The following SH3PXD2A variants were observed in gnomAD, a reference collection of about 807,000 sequenced individuals.
The protein encoded by SH3PXD2A is SH3 and PX domains 2A.
A neutral mutation model predicts 115.2 loss-of-function variants in SH3PXD2A; 32 were observed. That is an observed-to-expected ratio of 0.28 (90% confidence interval 0.21 to 0.37). The LOEUF (loss-of-function observed/expected upper bound fraction) is 0.37, where lower values mean the gene tolerates loss of function less well. Among genes scored for constraint, SH3PXD2A ranks in the 10% least tolerant of loss-of-function variants. The pLI is 1.00. For missense variants in SH3PXD2A, 1,328 were observed against 1,498.7 expected (o/e 0.89, Z 1.88); for synonymous variants, 610 against 629.1 (o/e 0.97, Z 0.45).
intron 1 of SH3PXD2A, among the ~76,000 whole-genome samples, chr10:103,803,952 G>A (rs1281652790): frequency 6.6e-6 from 1 of 152,158 alleles, no homozygotes; most frequent in Non-Finnish European, 1.5e-5. Context: ...CGGGGACGAG[G>A]GGCTTCCAGG....
Position 103,647,183 on chromosome 10 carries a change from G to A in SH3PXD2A, c.604+13800C>T, listed in dbSNP as rs190792550. Among the ~76,000 whole-genome samples, 169 of 152,256 alleles carry A rather than the reference G, an allele frequency of 1.1e-3. 1 individual carries two copies. Among genetic ancestry groups the A allele is most frequent in the Admixed American group, 2.2e-3 (33 of 15,292 alleles). On this transcript the variant is annotated intron_variant, in intron 8 of 14. Coordinates refer to ENST00000369774, the MANE Select transcript of SH3PXD2A (RefSeq NM_001394015.1). ...GCCACAGCTTCACTCCCCAGGAAGCGGGCAATACTGCAATATCATGGCATC... is the reference window on the plus strand; with the variant it reads ...GCCACAGCTTCACTCCCCAGGAAGCAGGCAATACTGCAATATCATGGCATC...
chr10:103,749,695 A>G (rs892742853), intron 3 of SH3PXD2A: 3 of 152,218 alleles, frequency 2.0e-5, no homozygotes, highest in Non-Finnish European at 4.4e-5. Flanking sequence ...GACCTGTGGA[A>G]GCAATTGGAT....
At chr10:103,702,279 G>A (rs1199296407) in intron 5 of SH3PXD2A, among the ~76,000 whole-genome samples, 2 of 152,246 alleles carry the variant, frequency 1.3e-5, no homozygotes, top group African/African-American at 4.8e-5. Flanking sequence ...ACACTGTCCT[G>A]CCCTCTTTTT....
intron 8 of SH3PXD2A, among the ~76,000 whole-genome samples, chr10:103,635,484 T>G (rs751693259): frequency 1.4e-4 from 21 of 152,104 alleles, no homozygotes; most frequent in Admixed American, 9.2e-4. Flanking sequence ...TTGCCTGGAG[T>G]GCCCTTATGC....
chr10:103,647,077 G>T lies in SH3PXD2A; in HGVS notation c.604+13906C>A, dbSNP rs185922329. 7.3e-3 allele frequency among the ~76,000 whole-genome samples: 1,104 copies of T among 152,172 alleles called. 14 individuals are homozygous for T. The highest frequency in any genetic ancestry group is 8.1e-3 in the Non-Finnish European group (552 of 68,008). ...CAGGGGTGGGGGGATGGAGGTAGGGGATTATTTTGCCCCTTTAAATATACC... is the reference window on the plus strand; with the variant it reads ...CAGGGGTGGGGGGATGGAGGTAGGGTATTATTTTGCCCCTTTAAATATACC... On this transcript the variant is annotated intron_variant, in intron 8 of 14. Coordinates refer to ENST00000369774, the MANE Select transcript of SH3PXD2A (RefSeq NM_001394015.1).
At position 103,602,283 on chromosome 10, in the gene SH3PXD2A, G is replaced by T. The variant is rs756338086; in HGVS notation, c.2935C>A (p.Pro979Thr). The stretch of plus-strand genomic sequence containing the variant: ...GGCGGGGACACAAACACCGACTGGG[G>T]CCTGACCGCCACCTGCCGCACTCCG... ...RNGVRQVAVR[P>T]QSVFVSPPPK... The change falls in exon 15 of 15, where the codon CCC becomes ACC. Residue 979 changes from proline to threonine, a missense_variant. Pro to Thr is a conservative substitution (Grantham distance 38). Transcript: ENST00000369774. 1.9e-6 allele frequency: 3 copies of T among 1,613,396 alleles called. No homozygotes were observed. In the South Asian group the frequency reaches 3.3e-5, roughly 18 times the overall value.
intron 1 of SH3PXD2A, among the ~76,000 whole-genome samples, chr10:103,820,590 C>A (rs2039368791): frequency 6.6e-6 from 1 of 152,124 alleles, no homozygotes; most frequent in Non-Finnish European, 1.5e-5. Context: ...CTGACCTCAG[C>A]CTGTTTTGCT....
intron 7 of SH3PXD2A, chr10:103,661,590 G>A (rs2037304502): frequency 1.1e-6 from 1 of 928,572 alleles, no homozygotes; most frequent in African/African-American, 1.8e-5. Context: ...AGAGGCAAAG[G>A]AAAGGCAAGC....
intron 3 of SH3PXD2A, among the ~76,000 whole-genome samples, chr10:103,763,880 T>C (rs765014674): frequency 2.0e-5 from 3 of 152,210 alleles, no homozygotes; most frequent in Non-Finnish European, 4.4e-5. Context: ...TGTGGTGCCA[T>C]TCACCCTCCA....
At chr10:103,718,887 A>T (rs1222351958) in intron 5 of SH3PXD2A, among the ~76,000 whole-genome samples, 1 of 152,034 alleles carries the variant, frequency 6.6e-6, no homozygotes, top group Non-Finnish European at 1.5e-5. Flanking sequence ...CATATGTTAA[A>T]TCCTAACGCC....
At chr10:103,738,775 C>T (rs2038409290) in intron 3 of SH3PXD2A, among the ~76,000 whole-genome samples, 2 of 152,080 alleles carry the variant, frequency 1.3e-5, no homozygotes, top group South Asian at 4.1e-4. Flanking sequence ...CATTCCTGTC[C>T]TAGTTGCAGA....
chr10:103,732,599 G>A (rs1450450853), intron 4 of SH3PXD2A, among the ~76,000 whole-genome samples: 1 of 152,240 alleles, frequency 6.6e-6, no homozygotes, highest in Non-Finnish European at 1.5e-5. Flanking sequence ...GAGGTCCACT[G>A]CACGGTCAGA....
intron 1 of SH3PXD2A, among the ~76,000 whole-genome samples, chr10:103,835,234 G>T (rs1046682778): frequency 6.6e-6 from 1 of 152,250 alleles, no homozygotes; most frequent in African/African-American, 2.4e-5. Context: ...AATGCCCCAT[G>T]CAGACTTGCA....
chr10:103,779,018 G>C (rs1007884306), intron 2 of SH3PXD2A, among the ~76,000 whole-genome samples: 2 of 152,212 alleles, frequency 1.3e-5, no homozygotes, highest in Non-Finnish European at 2.9e-5. Context: ...CTGGCAGAAG[G>C]AATAGTGTCT....
intron 5 of SH3PXD2A, among the ~76,000 whole-genome samples, chr10:103,695,266 A>G (rs967880744): frequency 5.9e-5 from 9 of 152,190 alleles, no homozygotes; most frequent in Non-Finnish European, 1.2e-4. Context: ...AGCTCTGAGC[A>G]GGTTGAGGCT....
chr10:103,619,698 G>C (rs551842504), intron 10 of SH3PXD2A, among the ~76,000 whole-genome samples: 7 of 152,346 alleles, frequency 4.6e-5, no homozygotes, highest in Admixed American at 4.6e-4. Context: ...CTGACCTCTT[G>C]GGGGTGGGGG....
At chr10:103,838,513 A>G (rs2039567560) in intron 1 of SH3PXD2A, among the ~76,000 whole-genome samples, 1 of 152,174 alleles carries the variant, frequency 6.6e-6, no homozygotes, top group Admixed American at 6.5e-5. Context: ...CCCCTCTCTG[A>G]ACTACTTTGC....
chr10:103,613,389 C>G (rs1462528179), intron 11 of SH3PXD2A, among the ~76,000 whole-genome samples, 199 bp from the exon 12 acceptor site: 1 of 152,200 alleles, frequency 6.6e-6, no homozygotes, highest in Non-Finnish European at 1.5e-5. Flanking sequence ...TCCCACTGCC[C>G]CCCCACCATG....
chr10:103,679,722 G>C (rs1165049331), intron 6 of SH3PXD2A, among the ~76,000 whole-genome samples: 2 of 152,176 alleles, frequency 1.3e-5, no homozygotes, highest in Non-Finnish European at 2.9e-5. Context: ...AGGTCCCCCT[G>C]GGGGGGCCAT....
Sources: allele counts gnomAD v4.1 joint callset (sites outside exome capture counted in the v4.1 genomes callset), GRCh38; gene constraint gnomAD v4.1.1; transcripts MANE v1.5; gene names NCBI Gene and HGNC (gene_info 2026-07-23, HGNC 2026-07-21).